The following AGBL4 variants were observed in gnomAD, a reference collection of about 807,000 sequenced individuals.
The protein encoded by AGBL4 is cytosolic carboxypeptidase 6.
Under a neutral mutation model 66.4 loss-of-function variants are expected in AGBL4, and 58 were observed. The ratio of observed to expected loss-of-function variants is 0.87; its 90% CI spans 0.71 to 1.09. The LOEUF (loss-of-function observed/expected upper bound fraction) is 1.09. Ranked by LOEUF, AGBL4 falls within the 50% of genes least tolerant of loss-of-function variation. AGBL4 has a pLI of 0.00. For synonymous variants in AGBL4, 234 were observed against 222.9 expected (o/e 1.05, Z -0.44); for missense variants, 579 against 631.0 (o/e 0.92, Z 0.88).
At chr1:49,139,306 T>C (rs535210612) in intron 4 of AGBL4, among the ~76,000 whole-genome samples, 1 of 152,124 alleles carries the variant, frequency 6.6e-6, no homozygotes, top group East Asian at 1.9e-4. Context: ...AATCCAGGGG[T>C]CATTATTTCC....
At chr1:49,283,047 T>C (rs1644314821) in intron 3 of AGBL4, among the ~76,000 whole-genome samples, 1 of 152,238 alleles carries the variant, frequency 6.6e-6, no homozygotes, top group South Asian at 2.1e-4. Flanking sequence ...CCTGCCTCTG[T>C]AGGCTCCACC....
chr1:48,967,061 C>T (rs907976626), intron 5 of AGBL4, among the ~76,000 whole-genome samples: 2 of 114,048 alleles, frequency 1.8e-5, no homozygotes, highest in Non-Finnish European at 4.0e-5. Context: ...CACACACACA[C>T]ATACACAAAG....
At chr1:49,446,010 C>A (rs978672072) in intron 3 of AGBL4, among the ~76,000 whole-genome samples, 2 of 152,046 alleles carry the variant, frequency 1.3e-5, no homozygotes, top group South Asian at 4.2e-4. Flanking sequence ...TGCCACCATG[C>A]CTGACTAATT....
At chr1:49,505,929 A>G (rs1028109489) in intron 3 of AGBL4, among the ~76,000 whole-genome samples, 16 of 151,696 alleles carry the variant, frequency 1.1e-4, no homozygotes, top group African/African-American at 3.9e-4. Flanking sequence ...TCTCCTCTAT[A>G]TATTTTCAAA....
intron 1 of AGBL4, among the ~76,000 whole-genome samples, chr1:49,992,781 C>T (rs1660060026): frequency 6.6e-6 from 1 of 152,156 alleles, no homozygotes; most frequent in Non-Finnish European, 1.5e-5. Flanking sequence ...CGTCATCCTA[C>T]CTTGTAGAAC....
At chr1:48,568,893 A>G (rs1644517178) in intron 11 of AGBL4, among the ~76,000 whole-genome samples, 1 of 152,158 alleles carries the variant, frequency 6.6e-6, no homozygotes, top group Admixed American at 6.5e-5. Flanking sequence ...ATAAGATGGC[A>G]CTTTTGGAAT....
At chr1:48,807,703 C>G (rs2148752597) in intron 6 of AGBL4, among the ~76,000 whole-genome samples, 1 of 152,192 alleles carries the variant, frequency 6.6e-6, no homozygotes, top group East Asian at 1.9e-4. Context: ...TTGAATGTTC[C>G]CCATGCAGAT....
intron 2 of AGBL4, among the ~76,000 whole-genome samples, chr1:49,816,607 TA>T (rs1284147390): frequency 5.3e-5 from 8 of 152,168 alleles, no homozygotes; most frequent in African/African-American, 1.7e-4. Context: ...ATACTAATTC[TA>T]ATATTCTAAG....
At chr1:50,019,738 G>A (rs1052393768) in intron 1 of AGBL4, among the ~76,000 whole-genome samples, 10 of 151,944 alleles carry the variant, frequency 6.6e-5, no homozygotes, top group East Asian at 1.9e-4. Flanking sequence ...TTATTTTACC[G>A]GGTAACTAAA....
intron 5 of AGBL4, among the ~76,000 whole-genome samples, chr1:48,902,247 C>T (rs966520125): frequency 6.6e-6 from 1 of 152,056 alleles, no homozygotes; most frequent in Non-Finnish European, 1.5e-5. Context: ...TAAATATGTG[C>T]ATTTTATTGT....
intron 3 of AGBL4, among the ~76,000 whole-genome samples, chr1:49,398,691 T>C (rs1432831959): frequency 1.3e-5 from 2 of 152,214 alleles, no homozygotes; most frequent in Non-Finnish European, 2.9e-5. Flanking sequence ...ACTATTTGAC[T>C]GTTTCCACTC....
chr1:48,616,765 C>T (rs1288094847), intron 9 of AGBL4, among the ~76,000 whole-genome samples: 2 of 152,226 alleles, frequency 1.3e-5, no homozygotes, highest in African/African-American at 4.8e-5. Context: ...GTCTTTTCTC[C>T]TTCACAAAAG....
At chr1:49,505,412 T>C (rs1220841787) in intron 3 of AGBL4, among the ~76,000 whole-genome samples, 3 of 152,060 alleles carry the variant, frequency 2.0e-5, no homozygotes, top group Non-Finnish European at 2.9e-5. Flanking sequence ...CTTACAAGTC[T>C]GGTGACAGTG....
intron 4 of AGBL4, among the ~76,000 whole-genome samples, chr1:49,205,985 C>A (rs1475463530): frequency 6.6e-6 from 1 of 152,068 alleles, no homozygotes; most frequent in Non-Finnish European, 1.5e-5. Flanking sequence ...GAAAAATAAA[C>A]TTGATTTGGC....
At chr1:49,548,226 T>C (rs1321841343) in intron 3 of AGBL4, among the ~76,000 whole-genome samples, 1 of 152,220 alleles carries the variant, frequency 6.6e-6, no homozygotes, top group Non-Finnish European at 1.5e-5. Context: ...GTTTTCAAAG[T>C]AAACAATCGT....
chr1:49,224,131 C>T (rs1167407265), intron 4 of AGBL4, among the ~76,000 whole-genome samples: 1 of 152,154 alleles, frequency 6.6e-6, no homozygotes, highest in East Asian at 1.9e-4. Flanking sequence ...TAAAGAGACA[C>T]AAATCTGTAT....
In AGBL4 at chr1:49,773,440, A is replaced by G. The variant is rs911805814; in HGVS notation, c.158-76003T>C. Among the ~76,000 whole-genome samples, 3 of 152,090 alleles carry G rather than the reference A, an allele frequency of 2.0e-5. No homozygotes were observed. The South Asian group carries it at 6.2e-4, about 32-fold the overall frequency. Reference sequence around the variant, plus strand: ...TTCCATTTTATGGAGTAGCTTTGGTAGCTTTTCCTGTAGATGGACCCTAGG... The same window carrying G: ...TTCCATTTTATGGAGTAGCTTTGGTGGCTTTTCCTGTAGATGGACCCTAGG... On this transcript the variant is annotated intron_variant, in intron 2 of 13. Coordinates refer to ENST00000371839, the MANE Select transcript of AGBL4 (RefSeq NM_032785.4).
At chr1:49,194,008 T>C (rs1340525266) in intron 4 of AGBL4, among the ~76,000 whole-genome samples, 3 of 152,240 alleles carry the variant, frequency 2.0e-5, no homozygotes, top group Non-Finnish European at 2.9e-5. Context: ...TTATCAAATG[T>C]TCTTCAAATG....
intron 3 of AGBL4, among the ~76,000 whole-genome samples, chr1:49,464,758 T>A (rs559159200): frequency 1.3e-5 from 2 of 151,426 alleles, no homozygotes; most frequent in African/African-American, 4.8e-5. Flanking sequence ...GAAAAAAAAA[T>A]CATTTGCCTG....
Sources: gnomAD v4.1 joint callset for allele counts (sites outside exome capture counted in the v4.1 genomes callset) on GRCh38, gnomAD v4.1.1 for gene constraint, MANE v1.5 for transcripts, NCBI Gene and HGNC (gene_info 2026-07-23, HGNC 2026-07-21) for gene names.